FAM167A: variants seen among roughly 807,000 people sequenced by gnomAD.
FAM167A encodes the protein protein FAM167A.
Under a neutral mutation model 14.9 loss-of-function variants are expected in FAM167A, and 23 were observed. That is an observed-to-expected ratio of 1.55 (90% confidence interval 1.11 to 2.19). The LOEUF is 2.19. Ranked by LOEUF, FAM167A falls within the 30% of genes most tolerant of loss-of-function variation. FAM167A has a pLI of 0.00. For synonymous variants in FAM167A, 174 were observed against 117.7 expected, an observed-to-expected ratio of 1.48 and a Z score of -3.10; for missense variants, 401 against 281.5, an observed-to-expected ratio of 1.42 and a Z score of -3.04.
In FAM167A at chr8:11,424,421, A is replaced by G. The variant is rs143743025; in HGVS notation, c.597T>C (p.Ile199=). ...AGTTGATGTTCATCTTGGTCACGCC[A>G]ATAAGCTTGAGTGGTGTGGAGAGGC... ...SFSLSTPLKL[I]GVTKMNINSR... The change falls in exon 3 of 3, where the codon ATT becomes ATC. Residue 199 remains isoleucine, a synonymous_variant. Transcript: ENST00000284486. 247 of 1,613,964 alleles carry G rather than the reference A, an allele frequency of 1.5e-4. No individual in the cohort carries two copies. In the African/African-American group the frequency reaches 2.5e-3, roughly 16 times the overall value.
intron 1 of FAM167A, among the ~76,000 whole-genome samples, chr8:11,451,123 C>T (rs773171786): frequency 6.6e-6 from 1 of 152,202 alleles, no homozygotes; most frequent in African/African-American, 2.4e-5. Flanking sequence ...TCTCCTGGGG[C>T]GTGGGGAGAC....
chr8:11,458,024 G>A (rs1026883037), intron 1 of FAM167A, among the ~76,000 whole-genome samples: 4 of 152,202 alleles, frequency 2.6e-5, no homozygotes, highest in Non-Finnish European at 4.4e-5. Context: ...CTGATGCGGT[G>A]AAGTCAGCGA....
intron 1 of FAM167A, among the ~76,000 whole-genome samples, chr8:11,462,145 G>A (rs995619409): frequency 5.3e-5 from 8 of 152,234 alleles, no homozygotes; most frequent in Admixed American, 1.3e-4. Flanking sequence ...GTCAGCTTGC[G>A]CTGGAGGTAC....
intron 1 of FAM167A, among the ~76,000 whole-genome samples, chr8:11,464,562 C>T (rs896729064): frequency 6.6e-6 from 1 of 152,238 alleles, no homozygotes; most frequent in Non-Finnish European, 1.5e-5. Context: ...TGCATTTGCA[C>T]AGTAACAGCC....
chr8:11,459,139 A>G (rs528980174), intron 1 of FAM167A, among the ~76,000 whole-genome samples: 2 of 152,348 alleles, frequency 1.3e-5, no homozygotes, highest in Admixed American at 1.3e-4. Flanking sequence ...AAGGAGGAGG[A>G]AAAGAGGAGA....
chr8:11,430,766 G>A (rs1447356907), intron 2 of FAM167A, among the ~76,000 whole-genome samples: 1 of 152,114 alleles, frequency 6.6e-6, no homozygotes, highest in Non-Finnish European at 1.5e-5. Flanking sequence ...TGGCAAGGGG[G>A]CTGGAGGAGA....
Position 11,422,377 on chromosome 8 carries a change from TG to T in FAM167A, c.*1995del, listed in dbSNP as rs1563350279. ...TGTCGTGTGTGTGTGTGTGGGGGTG[TG>T]TGTGTGTGTGTGTGTGTGTGTGTGT... is the stretch of plus-strand genomic sequence containing the variant. On this transcript the variant is annotated 3_prime_UTR_variant, in exon 3 of 3. Transcript: ENST00000284486. 12 of 80,968 alleles carry T rather than the reference TG, an allele frequency of 1.5e-4. No individual in the cohort carries two copies. Among genetic ancestry groups the T allele is most frequent in the East Asian group, 2.1e-4 (1 of 4,846 alleles). The allele number at this position is 80,968 out of a possible 1,614,324, so 5.0% of individuals were successfully genotyped here.
intron 2 of FAM167A, chr8:11,437,983 T>C: frequency 3.0e-6 from 1 of 334,484 alleles, no homozygotes; most frequent in Non-Finnish European, 5.9e-6. Flanking sequence ...TGCATCTCTA[T>C]TATAACTTTT....
At chr8:11,455,761 T>C (rs1807234079) in intron 1 of FAM167A, among the ~76,000 whole-genome samples, 1 of 148,674 alleles carries the variant, frequency 6.7e-6, no homozygotes, top group African/African-American at 2.5e-5. Context: ...TGCATGAGTG[T>C]GAGTGTATTG....
chr8:11,443,131 G>A (rs1200117522), intron 2 of FAM167A, among the ~76,000 whole-genome samples: 1 of 152,216 alleles, frequency 6.6e-6, no homozygotes, highest in Non-Finnish European at 1.5e-5. Flanking sequence ...CCTCAGGGAC[G>A]GGGTGGGGCA....
chr8:11,438,003 T>C, intron 2 of FAM167A: 2 of 358,622 alleles, frequency 5.6e-6, no homozygotes, highest in South Asian at 2.1e-5. Flanking sequence ...TGTCACACCA[T>C]GCCACTGTGT....
rs76178718 is a variant in FAM167A at position 11,441,240 on chromosome 8, G to C, written c.381+2791C>G. ...GCAGTTATGACAGACACAGGGCTCA[G>C]AGCTCCCGCTTGGGGATCCCTGGGT... On this transcript the variant is annotated intron_variant, in intron 2 of 2. Transcript: ENST00000284486. Among the ~76,000 whole-genome samples, 1,302 of 152,356 alleles carry C rather than the reference G, an allele frequency of 8.5e-3. 12 individuals carry two copies. The highest frequency in any genetic ancestry group is 0.029 in the African/African-American group (1,215 of 41,564).
At chr8:11,443,964 CAG>C in intron 2 of FAM167A, 65 bp downstream of exon 2, 1 of 1,535,808 alleles carries the variant, frequency 6.5e-7, no homozygotes, top group African/African-American at 1.4e-5. Flanking sequence ...CAGAGAGAGA[CAG>C]AAAAAGACAC....
upstream of FAM167A, chr8:11,466,793 G>C (rs1807793815): frequency 1.3e-5 from 2 of 150,870 alleles, no homozygotes; most frequent in South Asian, 2.1e-4. Context: ...TTTTCCCCCT[G>C]CGTTGCGTCA....
chr8:11,439,568 TTC>T (rs111387845), intron 2 of FAM167A, among the ~76,000 whole-genome samples: 1 of 76,682 alleles, frequency 1.3e-5, no homozygotes, highest in African/African-American at 3.1e-5. Flanking sequence ...CAAGGTTCTC[TTC>T]TCTCTCTCTA....
At chr8:11,454,285 T>C (rs982945351) in intron 1 of FAM167A, among the ~76,000 whole-genome samples, 12 of 152,246 alleles carry the variant, frequency 7.9e-5, no homozygotes, top group Non-Finnish European at 1.6e-4. Context: ...GCCTGCTGTG[T>C]GTGTCACCAA....
intron 1 of FAM167A, among the ~76,000 whole-genome samples, chr8:11,448,977 G>T (rs964854307): frequency 6.6e-6 from 1 of 152,210 alleles, no homozygotes; most frequent in African/African-American, 2.4e-5. Context: ...ACCTGAATAG[G>T]CGTGTGTGCA....
chr8:11,430,366 G>C (rs1805495365), intron 2 of FAM167A, among the ~76,000 whole-genome samples: 1 of 152,216 alleles, frequency 6.6e-6, no homozygotes, highest in Non-Finnish European at 1.5e-5. Context: ...AAACAGCTGT[G>C]CTTGTGATCT....
intron 1 of FAM167A, chr8:11,445,147 C>T (rs910862043): frequency 1.6e-5 from 16 of 985,258 alleles, no homozygotes; most frequent in South Asian, 4.7e-5. Flanking sequence ...AATGACTCAC[C>T]GAGATCTCCC....
Sources: allele counts gnomAD v4.1 joint callset (sites outside exome capture counted in the v4.1 genomes callset), GRCh38; gene constraint gnomAD v4.1.1; transcripts MANE v1.5; gene names NCBI Gene and HGNC (gene_info 2026-07-23, HGNC 2026-07-21).